CFAP61: variants seen among roughly 807,000 people sequenced by gnomAD.
The protein encoded by CFAP61 is cilia and flagella associated protein 61.
In CFAP61, 107 loss-of-function variants were observed where a neutral mutation model predicts 135.6. The ratio of observed to expected loss-of-function variants is 0.79; its 90% CI spans 0.67 to 0.93. The LOEUF is 0.93. CFAP61 is among the 40% of genes least tolerant of loss of function. CFAP61 has a pLI of 0.00. For missense variants in CFAP61, 1,507 were observed against 1,556.2 expected (o/e 0.97, Z 0.53); for synonymous variants, 575 against 578.5 (o/e 0.99, Z 0.09).
chr20:20,279,902 C>T (rs868467839), intron 22 of CFAP61, among the ~76,000 whole-genome samples: 1 of 151,978 alleles, frequency 6.6e-6, no homozygotes, highest in African/African-American at 2.4e-5. Context: ...ACATGGGAAG[C>T]GGGGAGTCAG....
intron 25 of CFAP61, among the ~76,000 whole-genome samples, chr20:20,338,198 C>T (rs1295316133): frequency 1.3e-5 from 2 of 152,180 alleles, no homozygotes; most frequent in Non-Finnish European, 1.5e-5. Context: ...CTGAGCTTGA[C>T]GTTCGGGCAG....
Position 20,169,276 on chromosome 20 carries a change from A to T in CFAP61, c.1246-45A>T, listed in dbSNP as rs375935478. 65 of 1,543,768 alleles carry T rather than the reference A, an allele frequency of 4.2e-5. No homozygotes were observed. The East Asian group carries it at 4.6e-4, about 11-fold the overall frequency. Reference sequence around the variant, plus strand: ...TTTAGAGGAATTTGTTTTTTGATTAATTTTTTTTATTCTTTCTCTGTGTCC... The same window carrying T: ...TTTAGAGGAATTTGTTTTTTGATTATTTTTTTTTATTCTTTCTCTGTGTCC... On this transcript the variant is annotated intron_variant, in intron 12 of 26. Transcript: ENST00000245957.
At chr20:20,357,723 G>A (rs371182372) in intron 26 of CFAP61, among the ~76,000 whole-genome samples, 11 of 7,736 alleles carry the variant, frequency 1.4e-3, no homozygotes, top group Non-Finnish European at 2.7e-3. Context: ...GTGAGGGGAG[G>A]TGGTCACACT....
intron 21 of CFAP61, among the ~76,000 whole-genome samples, chr20:20,270,395 A>G (rs896313255): frequency 2.0e-5 from 3 of 152,248 alleles, no homozygotes; most frequent in African/African-American, 7.2e-5. Flanking sequence ...CAAAAGAATA[A>G]AATGACTTTT....
At chr20:20,148,311 G>A (rs1326219039) in intron 9 of CFAP61, among the ~76,000 whole-genome samples, 2 of 152,114 alleles carry the variant, frequency 1.3e-5, no homozygotes, top group Non-Finnish European at 2.9e-5. Flanking sequence ...ATTTTCATGG[G>A]AATTGCATTG....
intron 26 of CFAP61, among the ~76,000 whole-genome samples, chr20:20,348,570 A>G (rs889507804): frequency 6.6e-6 from 1 of 151,824 alleles, no homozygotes; most frequent in Admixed American, 6.6e-5. Context: ...CACACCTGTA[A>G]TCTTAGCCAC....
chr20:20,145,222 A>G (rs2051775184), intron 9 of CFAP61, among the ~76,000 whole-genome samples: 1 of 152,166 alleles, frequency 6.6e-6, no homozygotes, highest in Non-Finnish European at 1.5e-5. Context: ...TGTAAAAATA[A>G]AATGTATGAC....
intron 8 of CFAP61, among the ~76,000 whole-genome samples, chr20:20,111,765 T>C (rs535267408): frequency 2.6e-5 from 4 of 152,098 alleles, no homozygotes; most frequent in Admixed American, 1.3e-4. Flanking sequence ...TATAGATAGC[T>C]CACAAAGAAA....
chr20:20,350,413 G>A (rs888493584), intron 26 of CFAP61, among the ~76,000 whole-genome samples: 17 of 152,250 alleles, frequency 1.1e-4, no homozygotes, highest in African/African-American at 3.4e-4. Context: ...CAGATCATCT[G>A]AGGTCAGGAG....
intron 8 of CFAP61, among the ~76,000 whole-genome samples, chr20:20,138,713 G>T (rs1229531261): frequency 6.6e-6 from 1 of 152,192 alleles, no homozygotes; most frequent in Non-Finnish European, 1.5e-5. Context: ...GCTTTGTTGT[G>T]TACATAATTG....
At position 20,169,428 on chromosome 20, in the gene CFAP61, C is replaced by T; in HGVS notation, c.1353C>T (p.Asp451=). The T allele has an allele frequency of 6.2e-7, 1 of 1,613,794 alleles. No homozygotes were observed. Among genetic ancestry groups the T allele is most frequent in the Non-Finnish European group, 8.5e-7 (1 of 1,179,870 alleles). ...VPFNTCTLEQ[D]LYVFHRAGLL... is the part of the protein sequence containing the mutation. ...TCAACACCTGCACCCTCGAGCAGGA[C>T]CTCTACGTCTTCCACCGGGCTGGAT... Residue 451 remains aspartate (D), a synonymous_variant, in exon 13 of 27, where the codon GAC becomes GAT. Coordinates refer to ENST00000245957, the MANE Select transcript of CFAP61 (RefSeq NM_015585.4).
intron 13 of CFAP61, among the ~76,000 whole-genome samples, chr20:20,176,345 A>T (rs1352523003): frequency 3.3e-5 from 5 of 152,138 alleles, no homozygotes; most frequent in Non-Finnish European, 7.4e-5. Context: ...CAGCAATTCC[A>T]TTTCTGGGTA....
chr20:20,091,907 C>A (rs1441321945), intron 7 of CFAP61, among the ~76,000 whole-genome samples: 1 of 152,162 alleles, frequency 6.6e-6, no homozygotes, highest in Non-Finnish European at 1.5e-5. Context: ...GAGGTGAACT[C>A]CTGACCTCAG....
intron 13 of CFAP61, chr20:20,172,150 A>G: frequency 1.1e-6 from 1 of 872,514 alleles, no homozygotes; most frequent in Non-Finnish European, 1.4e-6. Context: ...CTATGGGAAC[A>G]TTATATCTAG....
rs113777253 is a variant in CFAP61, at chr20:20,196,612, A to G, written c.1633A>G (p.Ile545Val). Residue 545 changes from isoleucine to valine, a missense_variant, in exon 16 of 27, where the codon ATC (isoleucine) becomes GTC (valine). Transcript: ENST00000245957. ...GTCCCATTACAACATTGAAGATTTC[A>G]TCTACTTCAGTCACCACCAGCGCGA... The part of the protein sequence containing the change: ...IRSHYNIEDF[I>V]YFSHHQREEH... 5.6e-6 allele frequency: 9 copies of G among 1,614,132 alleles called. No homozygotes were observed. Among genetic ancestry groups the G allele is most frequent in the Admixed American group, 3.3e-5 (2 of 60,012 alleles).
intron 17 of CFAP61, among the ~76,000 whole-genome samples, chr20:20,212,528 G>A (rs889231214): frequency 5.3e-5 from 8 of 152,150 alleles, no homozygotes; most frequent in Non-Finnish European, 1.0e-4. Context: ...GAAGCCAGGT[G>A]GGTTTGTCTC....
At chr20:20,159,981 C>A (rs2053260530) in intron 10 of CFAP61, among the ~76,000 whole-genome samples, 1 of 152,182 alleles carries the variant, frequency 6.6e-6, no homozygotes, top group African/African-American at 2.4e-5. Flanking sequence ...TTCCCTTCAC[C>A]CCACCCATGC....
In CFAP61 at chr20:20,191,429, G is replaced by T; in HGVS notation, c.1590+10G>T. On this transcript the variant is annotated intron_variant, in intron 15 of 26. Transcript: ENST00000245957. ...GATCAGAAATGAAATGGTAAATTGTGAAGTGGATATAAATTTCTTTGATTG... is the reference window on the plus strand; with the variant it reads ...GATCAGAAATGAAATGGTAAATTGTTAAGTGGATATAAATTTCTTTGATTG... 1 of 1,597,860 alleles carries T rather than the reference G, an allele frequency of 6.3e-7. No homozygotes were observed. Among genetic ancestry groups the T allele is most frequent in the Non-Finnish European group, 8.6e-7 (1 of 1,167,250 alleles).
At chr20:20,143,608 G>A (rs1003670107) in intron 9 of CFAP61, among the ~76,000 whole-genome samples, 1 of 152,196 alleles carries the variant, frequency 6.6e-6, no homozygotes, top group African/African-American at 2.4e-5. Flanking sequence ...TGTAACAAAG[G>A]CCAGCGATGC....
Sources: allele counts gnomAD v4.1 joint callset (sites outside exome capture counted in the v4.1 genomes callset), GRCh38; gene constraint gnomAD v4.1.1; transcripts MANE v1.5; gene names NCBI Gene and HGNC (gene_info 2026-07-23, HGNC 2026-07-21).